The following SHISA9 variants were observed in gnomAD, a reference collection of about 807,000 sequenced individuals.
SHISA9 encodes shisa family member 9.
SHISA9 carries 13 observed loss-of-function variants against 38.0 expected under a neutral mutation model. The ratio of observed to expected loss-of-function variants is 0.34; its 90% CI spans 0.22 to 0.54. The LOEUF is 0.54. Among genes scored for constraint, SHISA9 ranks in the 20% least tolerant of loss-of-function variants. The pLI is 0.91. For synonymous variants in SHISA9, 275 were observed against 242.0 expected, an observed-to-expected ratio of 1.14 and a Z score of -1.27; for missense variants, 538 against 575.8, an observed-to-expected ratio of 0.93 and a Z score of 0.67.
At chr16:13,093,537 A>G (rs1443091167) in intron 2 of SHISA9, among the ~76,000 whole-genome samples, 3 of 152,186 alleles carry the variant, frequency 2.0e-5, no homozygotes, top group African/African-American at 7.2e-5. Flanking sequence ...AATTCAAGGT[A>G]TCATGTGCAT....
chr16:13,442,047 C>T, the SHISA9 span, among the ~76,000 whole-genome samples: 1 of 152,248 alleles, frequency 6.6e-6, no homozygotes, highest in African/African-American at 2.4e-5. Flanking sequence ...CTGAAGAGTG[C>T]TTGCCTGTTG....
At chr16:13,533,175 T>C in the SHISA9 span, among the ~76,000 whole-genome samples, 1 of 152,168 alleles carries the variant, frequency 6.6e-6, no homozygotes, top group Non-Finnish European at 1.5e-5. Flanking sequence ...TCATCATCCC[T>C]TGTCTGCTCT....
At chr16:13,107,584 C>T (rs2073939907) in intron 2 of SHISA9, among the ~76,000 whole-genome samples, 1 of 151,552 alleles carries the variant, frequency 6.6e-6, no homozygotes, top group African/African-American at 2.4e-5. Context: ...AAGATAGGTC[C>T]AGAATTTACA....
chr16:13,409,336 G>A, the SHISA9 span, among the ~76,000 whole-genome samples: 1 of 152,214 alleles, frequency 6.6e-6, no homozygotes, highest in African/African-American at 2.4e-5. Flanking sequence ...CTGGACAAGA[G>A]CTTGGGGTAC....
chr16:13,135,077 C>A (rs8050095), intron 2 of SHISA9, among the ~76,000 whole-genome samples: 3,124 of 152,290 alleles, frequency 0.021, 107 homozygotes, highest in African/African-American at 0.07. Flanking sequence ...GCTGTCAATT[C>A]ATTAGCTAAA....
the SHISA9 span, among the ~76,000 whole-genome samples, chr16:13,353,181 G>A: frequency 1.3e-4 from 20 of 152,258 alleles, no homozygotes; most frequent in Admixed American, 5.9e-4. Context: ...AGATTAAGCT[G>A]AAAGGAGATC....
chr16:13,005,999 G>A (rs2141846821), intron 2 of SHISA9, among the ~76,000 whole-genome samples: 1 of 152,296 alleles, frequency 6.6e-6, no homozygotes, highest in South Asian at 2.1e-4. Flanking sequence ...TGATTGCAAA[G>A]TCACCCACAA....
At chr16:13,406,180 G>A in the SHISA9 span, among the ~76,000 whole-genome samples, 1 of 152,164 alleles carries the variant, frequency 6.6e-6, no homozygotes, top group Non-Finnish European at 1.5e-5. Flanking sequence ...CATTTTCCAA[G>A]CATCTTTGGA....
chr16:13,403,772 G>T, the SHISA9 span, among the ~76,000 whole-genome samples: 3 of 152,196 alleles, frequency 2.0e-5, no homozygotes, highest in East Asian at 5.8e-4. Context: ...CTCTTGAAAA[G>T]ATGGATGGAG....
the SHISA9 span, among the ~76,000 whole-genome samples, chr16:13,394,228 C>G: frequency 6.6e-6 from 1 of 152,220 alleles, no homozygotes; most frequent in Non-Finnish European, 1.5e-5. Flanking sequence ...AGCCTGGATT[C>G]AAACCTAGCA....
chr16:13,224,616 G>A (rs547423970), intron 4 of SHISA9, among the ~76,000 whole-genome samples: 1 of 152,198 alleles, frequency 6.6e-6, no homozygotes, highest in South Asian at 2.1e-4. Flanking sequence ...GAGCAGAACA[G>A]ACACAACCTC....
chr16:12,939,012 G>T (rs189160666), intron 2 of SHISA9, among the ~76,000 whole-genome samples: 2 of 151,994 alleles, frequency 1.3e-5, no homozygotes, highest in Admixed American at 6.6e-5. Flanking sequence ...ATGATGTTTT[G>T]GGGGAAAAAC....
intron 2 of SHISA9, among the ~76,000 whole-genome samples, chr16:13,200,446 G>A (rs1304212618): frequency 0.029 from 2,886 of 99,238 alleles, 36 homozygotes; most frequent in Non-Finnish European, 0.037. Flanking sequence ...ACACACAGCA[G>A]CAGCAGCAGC....
At chr16:13,123,937 C>A (rs153085) in intron 2 of SHISA9, among the ~76,000 whole-genome samples, 110,461 of 152,054 alleles carry the variant, frequency 0.73, 40,507 homozygotes, top group East Asian at 0.89. Context: ...AATGAGATAA[C>A]ATTATTAAAG....
chr16:13,522,084 C>G, the SHISA9 span, among the ~76,000 whole-genome samples: 1 of 152,190 alleles, frequency 6.6e-6, no homozygotes, highest in South Asian at 2.1e-4. Flanking sequence ...CACACTCTGT[C>G]CCCACCAGCC....
chr16:13,300,977 G>A, the SHISA9 span, among the ~76,000 whole-genome samples: 1 of 150,550 alleles, frequency 6.6e-6, no homozygotes, highest in East Asian at 2.0e-4. Context: ...ACTCTCCTGT[G>A]ACTCTTTTCT....
the SHISA9 span, among the ~76,000 whole-genome samples, chr16:13,554,152 C>G: frequency 1.3e-5 from 2 of 152,162 alleles, no homozygotes; most frequent in South Asian, 4.2e-4. Flanking sequence ...CATCTTCTGC[C>G]TCTTACATAC....
chr16:12,959,356 C>G (rs1394813725), intron 2 of SHISA9, among the ~76,000 whole-genome samples: 1 of 152,216 alleles, frequency 6.6e-6, no homozygotes, highest in Non-Finnish European at 1.5e-5. Context: ...TCATTTCACT[C>G]ACTGAGAAAA....
At chr16:13,289,511 T>C in the SHISA9 span, among the ~76,000 whole-genome samples, 2 of 148,652 alleles carry the variant, frequency 1.3e-5, no homozygotes, top group African/African-American at 5.0e-5. Flanking sequence ...AAAAGATAAA[T>C]AAGCAAAAAG....
Sources: gnomAD v4.1 joint callset for allele counts (sites outside exome capture counted in the v4.1 genomes callset) on GRCh38, gnomAD v4.1.1 for gene constraint, MANE v1.5 for transcripts, NCBI Gene and HGNC (gene_info 2026-07-23, HGNC 2026-07-21) for gene names.